The following EIF3E variants were observed in gnomAD, a reference collection of about 807,000 sequenced individuals.
The protein encoded by EIF3E is eIF-3 p48.
Under a neutral mutation model 59.3 loss-of-function variants are expected in EIF3E, and 25 were observed. That is an observed-to-expected ratio of 0.42 (90% CI 0.31 to 0.59). The LOEUF (loss-of-function observed/expected upper bound fraction) is 0.59. EIF3E is among the 20% of genes least tolerant of loss of function. The pLI, the probability that EIF3E is intolerant of heterozygous loss-of-function variation, is 0.15. For synonymous variants in EIF3E, 176 were observed against 170.2 expected, an observed-to-expected ratio of 1.03 and a Z score of -0.26; for missense variants, 317 against 534.3, an observed-to-expected ratio of 0.59 and a Z score of 4.01.
intron 5 of EIF3E, among the ~76,000 whole-genome samples, chr8:108,232,215 G>C (rs1237866163): frequency 6.6e-6 from 1 of 152,112 alleles, no homozygotes; most frequent in East Asian, 1.9e-4. Context: ...TTTTAAGCTT[G>C]GCACTGTTAG....
At chr8:108,205,610 T>A (rs568314848) in intron 10 of EIF3E, among the ~76,000 whole-genome samples, 1 of 152,216 alleles carries the variant, frequency 6.6e-6, no homozygotes, top group African/African-American at 2.4e-5. Context: ...AATTGTAAAC[T>A]GTTCTGGCTA....
chr8:108,209,377 A>AT (rs1209591329), intron 10 of EIF3E, among the ~76,000 whole-genome samples: 7 of 152,026 alleles, frequency 4.6e-5, no homozygotes, highest in African/African-American at 1.7e-4. Flanking sequence ...ACCCTACCTA[A>AT]TTTTCTTCTC....
intron 5 of EIF3E, chr8:108,234,336 G>C (rs1815683127): frequency 1.3e-5 from 2 of 152,282 alleles, no homozygotes; most frequent in East Asian, 1.9e-4. Flanking sequence ...CTTGGCCAAG[G>C]CCTGATTTTT....
At chr8:108,221,655 C>T (rs1815415641) in intron 7 of EIF3E, 1 of 152,048 alleles carries the variant, frequency 6.6e-6, no homozygotes, top group South Asian at 2.1e-4. Context: ...CAATATGGGG[C>T]TTGAGAAACA....
At chr8:108,243,784 A>ATGT (rs1815892254) in intron 1 of EIF3E, among the ~76,000 whole-genome samples, 1 of 152,128 alleles carries the variant, frequency 6.6e-6, no homozygotes, top group African/African-American at 2.4e-5. Context: ...GTATGAATGA[A>ATGT]CGTCATATCT....
intron 9 of EIF3E, among the ~76,000 whole-genome samples, chr8:108,215,632 A>G (rs1245932848): frequency 4.6e-5 from 7 of 152,034 alleles, no homozygotes; most frequent in Admixed American, 4.6e-4. Context: ...AAAATAAAAT[A>G]AGAAAATCAT....
chr8:108,216,570 G>GC, intron 8 of EIF3E, 57 bp from the exon 9 acceptor site: 2 of 1,178,122 alleles, frequency 1.7e-6, no homozygotes, highest in Non-Finnish European at 2.5e-6. Context: ...TTAGCAGATT[G>GC]CCCCAGAATA....
chr8:108,205,476 AC>A (rs1272926417), intron 10 of EIF3E, among the ~76,000 whole-genome samples: 1 of 152,150 alleles, frequency 6.6e-6, no homozygotes, highest in Admixed American at 6.5e-5. Flanking sequence ...TAGTTCTACA[AC>A]CCAACTACAG....
At chr8:108,245,673 G>A (rs1248121287) in intron 1 of EIF3E, among the ~76,000 whole-genome samples, 1 of 152,156 alleles carries the variant, frequency 6.6e-6, no homozygotes, top group Non-Finnish European at 1.5e-5. Context: ...CCAATTCAGA[G>A]CCCAGGGTCC....
chr8:108,203,145 C>T, intron 11 of EIF3E, 28 bp from the exon 12 acceptor site: 3 of 1,600,796 alleles, frequency 1.9e-6, no homozygotes, highest in Non-Finnish European at 2.6e-6. Flanking sequence ...GAAATTGATC[C>T]TATAATGTTA....
rs551702582 is a variant in EIF3E at position 108,235,559 on chromosome 8, A to T, written c.367-457T>A. On this transcript the variant is annotated intron_variant, in intron 4 of 12. Transcript: ENST00000220849. ...ATCATCTGCTCTGTGGCCCTCCGGT[A>T]CTGGTCCATGACCTGGGAGTTGGGG... is the stretch of plus-strand genomic sequence containing the variant. Among the ~76,000 whole-genome samples the T allele has an allele frequency of 9.2e-5, 14 of 152,338 alleles. No homozygotes were observed. The South Asian group carries it at 2.7e-3, about 29-fold the overall frequency.
chr8:108,243,758 T>C (rs1815890950), intron 1 of EIF3E, among the ~76,000 whole-genome samples: 1 of 152,116 alleles, frequency 6.6e-6, no homozygotes, highest in Admixed American at 6.5e-5. Context: ...ACCAGTACAT[T>C]TATATTTGTG....
intron 7 of EIF3E, among the ~76,000 whole-genome samples, chr8:108,226,857 CAG>C (rs1411867239): frequency 2.0e-5 from 3 of 152,172 alleles, no homozygotes; most frequent in Non-Finnish European, 4.4e-5. Context: ...TAATGCCACA[CAG>C]GGTATTTCAG....
chr8:108,217,521 G>C (rs753080338), intron 7 of EIF3E, 61 bp from the exon 8 acceptor site: 25 of 1,409,626 alleles, frequency 1.8e-5, no homozygotes, highest in East Asian at 2.5e-5. Context: ...GAAAACTCTC[G>C]AGCAGGTCAT....
At chr8:108,219,642 G>A (rs749362908) in intron 7 of EIF3E, among the ~76,000 whole-genome samples, 2 of 152,100 alleles carry the variant, frequency 1.3e-5, no homozygotes, top group African/African-American at 2.4e-5. Flanking sequence ...TTGGGAGGCC[G>A]AGGTGAGAGG....
intron 1 of EIF3E, among the ~76,000 whole-genome samples, chr8:108,245,512 C>G (rs748854225): frequency 6.6e-6 from 1 of 152,136 alleles, no homozygotes; most frequent in African/African-American, 2.4e-5. Flanking sequence ...CCCAGAAGAG[C>G]GTAGTGTTTT....
Position 108,215,978 on chromosome 8 carries a change from A to G in EIF3E, c.951+434T>C, listed in dbSNP as rs770857865. On this transcript the variant is annotated intron_variant, in intron 9 of 12. Transcript: ENST00000220849. Reference sequence around the variant, plus strand: ...AATGTTAAATACAACCATGGGAAATATTCTAAAGATAAGCCCATCTATGAA... The same window carrying G: ...AATGTTAAATACAACCATGGGAAATGTTCTAAAGATAAGCCCATCTATGAA... Among the ~76,000 whole-genome samples the G allele has an allele frequency of 1.0e-3, 156 of 152,234 alleles. 1 individual carries two copies. The highest frequency in any genetic ancestry group is 1.4e-3 in the Non-Finnish European group (92 of 68,030).
chr8:108,234,064 G>T (rs983119903), intron 5 of EIF3E, among the ~76,000 whole-genome samples: 1 of 151,960 alleles, frequency 6.6e-6, no homozygotes, highest in African/African-American at 2.4e-5. Context: ...ATGGAGTCTT[G>T]TTCTGTCACC....
intron 1 of EIF3E, among the ~76,000 whole-genome samples, chr8:108,247,838 A>G (rs549180050): frequency 2.0e-5 from 3 of 152,358 alleles, no homozygotes; most frequent in African/African-American, 7.2e-5. Context: ...ATTTTCTTTT[A>G]GCCAAAACTT....
Sources: allele counts gnomAD v4.1 joint callset (sites outside exome capture counted in the v4.1 genomes callset), GRCh38; gene constraint gnomAD v4.1.1; transcripts MANE v1.5; gene names NCBI Gene and HGNC (gene_info 2026-07-23, HGNC 2026-07-21).